Variants in NXPE1 observed in about 807,000 individuals in gnomAD.
NXPE1 encodes the protein neurexophilin and PC-esterase domain family member 1, also known as NXPE family member 1.
NXPE1 carries 31 observed loss-of-function variants against 33.3 expected under a neutral mutation model. The observed-to-expected ratio is 0.93, with a 90% CI of 0.70 to 1.26. NXPE1 has a LOEUF of 1.26. NXPE1 is among the 50% of genes most tolerant of loss of function. The probability of loss-of-function intolerance (pLI) is 0.00; values close to 1 mark genes in which losing one functional copy is unlikely to be tolerated. For missense variants in NXPE1, 661 were observed against 655.6 expected (o/e 1.01, Z -0.09); for synonymous variants, 229 against 231.4 (o/e 0.99, Z 0.09).
At chr11:114,534,178 C>T (rs1481673258) in intron 5 of NXPE1, among the ~76,000 whole-genome samples, 2 of 152,248 alleles carry the variant, frequency 1.3e-5, no homozygotes, top group Admixed American at 1.3e-4. Flanking sequence ...CAAACAAGGT[C>T]TGGAGTGGAC....
At chr11:114,553,930 T>C (rs1009338193) in intron 1 of NXPE1, 1 of 985,440 alleles carries the variant, frequency 1.0e-6, no homozygotes, top group Non-Finnish European at 1.2e-6. Context: ...TTTTTGTTTT[T>C]GTTTTCTGGG....
intron 7 of NXPE1, among the ~76,000 whole-genome samples, chr11:114,525,478 G>A (rs1295553246): frequency 6.6e-6 from 1 of 152,086 alleles, no homozygotes; most frequent in South Asian, 2.1e-4. Flanking sequence ...CTGCAGAGCC[G>A]GGTCCCAGAA....
At chr11:114,553,802 A>G in intron 1 of NXPE1, 1 of 978,460 alleles carries the variant, frequency 1.0e-6, no homozygotes, top group Non-Finnish European at 1.2e-6. Context: ...GGCTTATGAA[A>G]GCCTATTCAT....
At chr11:114,552,727 G>A (rs905447887) in intron 2 of NXPE1, 125 bp downstream of exon 2, 3 of 188,562 alleles carry the variant, frequency 1.6e-5, no homozygotes, top group African/African-American at 4.8e-5. Flanking sequence ...AAAGTAGTGC[G>A]TATGGATATG....
intron 5 of NXPE1, among the ~76,000 whole-genome samples, chr11:114,533,969 G>A (rs1337621269): frequency 6.6e-6 from 1 of 152,234 alleles, no homozygotes; most frequent in Non-Finnish European, 1.5e-5. Flanking sequence ...TGAGATCTGA[G>A]AATGGGCAGA....
At chr11:114,527,848 T>G (rs771047826) in exon 7 of NXPE1, 5 of 1,607,200 alleles carry the variant, frequency 3.1e-6, no homozygotes, top group Non-Finnish European at 4.2e-6. Flanking sequence ...ACTGTTACAA[T>G]TAGTGACATC....
downstream of NXPE1, among the ~76,000 whole-genome samples, chr11:114,519,679 G>A (rs1425163349): frequency 2.6e-5 from 4 of 152,114 alleles, no homozygotes; most frequent in African/African-American, 4.8e-5. Flanking sequence ...AAGGAGCAGC[G>A]TGTAGAGTGG....
intron 5 of NXPE1, among the ~76,000 whole-genome samples, chr11:114,532,755 G>A (rs1368202355): frequency 6.6e-6 from 1 of 152,078 alleles, no homozygotes; most frequent in Non-Finnish European, 1.5e-5. Flanking sequence ...AAGTATATAG[G>A]TAGATTAGAT....
intron 4 of NXPE1, 53 bp downstream of exon 4, chr11:114,551,330 G>C (rs10790022): frequency 0.15 from 212,498 of 1,378,612 alleles, 21,313 homozygotes; most frequent in African/African-American, 0.46. Context: ...GTGAGTCACT[G>C]TCTTCTTTCC....
At chr11:114,530,582 C>T (rs201130038) in exon 6 of NXPE1, 33 of 1,614,164 alleles carry the variant, frequency 2.0e-5, no homozygotes, top group Non-Finnish European at 2.7e-5. Context: ...GGGAGGACAT[C>T]CTGGCCCTCA....
chr11:114,528,320 C>T (rs1439471052), intron 6 of NXPE1, among the ~76,000 whole-genome samples: 1 of 152,170 alleles, frequency 6.6e-6, no homozygotes, highest in African/African-American at 2.4e-5. Flanking sequence ...ACTGCCAGAG[C>T]ACCCTTTCTC....
At chr11:114,523,175 C>T in intron 7 of NXPE1, 84 bp from the exon 8 acceptor site, 5 of 942,906 alleles carry the variant, frequency 5.3e-6, no homozygotes, top group East Asian at 5.0e-5. Context: ...TTTTCTTGCT[C>T]TCTTTCCCCC....
chr11:114,522,269 T>C (rs371179198), exon 9 of NXPE1: 15 of 1,614,060 alleles, frequency 9.3e-6, no homozygotes, highest in Non-Finnish European at 1.3e-5. Flanking sequence ...AATAAAAATG[T>C]CAATGGGAAA....
Position 114,521,984 on chromosome 11 carries a change from A to C in NXPE1, c.1628T>G (p.Leu543Ter). 6.8e-6 allele frequency: 11 copies of C among 1,611,498 alleles called. No individual in the cohort carries two copies. Among genetic ancestry groups the C allele is most frequent in the Non-Finnish European group, 7.6e-6 (9 of 1,177,994 alleles). ...ATTTATCCCTTAGCAAATGTAGTTT[A>C]AGAACATGTTAATCTGATTTCCAAT... The change falls in exon 9 of 9, where the codon TTA (leucine) becomes TGA (stop). Residue 543 changes from leucine (L) to a stop codon, truncating the protein, a stop_gained. Transcript: ENST00000534921. LOFTEE classifies it high-confidence loss of function.
At chr11:114,531,372 T>C (rs1947577838) in intron 5 of NXPE1, among the ~76,000 whole-genome samples, 1 of 152,158 alleles carries the variant, frequency 6.6e-6, no homozygotes, top group African/African-American at 2.4e-5. Context: ...TCCAGCTGTA[T>C]CACAGTTCAA....
chr11:114,530,494 A>T (rs755669473), exon 6 of NXPE1: 2 of 1,613,994 alleles, frequency 1.2e-6, no homozygotes, highest in Non-Finnish European at 1.7e-6. Context: ...TGGCCCTCCC[A>T]GAACAGAGTG....
At chr11:114,530,343 A>G in exon 6 of NXPE1, 1 of 1,614,246 alleles carries the variant, frequency 6.2e-7, no homozygotes, top group Non-Finnish European at 8.5e-7. Flanking sequence ...GTTTAGGGTC[A>G]GGCCACATTC....
intron 5 of NXPE1, among the ~76,000 whole-genome samples, chr11:114,535,011 A>G (rs1465826846): frequency 6.6e-6 from 1 of 152,210 alleles, no homozygotes; most frequent in Non-Finnish European, 1.5e-5. Context: ...GAAGGAAAAA[A>G]TGTTAAGGGC....
chr11:114,527,280 G>T (rs569303243), intron 7 of NXPE1: 1 of 152,298 alleles, frequency 6.6e-6, no homozygotes, highest in East Asian at 1.9e-4. Context: ...TGAATAAATG[G>T]TGGCAATAAA....
Sources: allele counts gnomAD v4.1 joint callset (sites outside exome capture counted in the v4.1 genomes callset), GRCh38; gene constraint gnomAD v4.1.1; transcripts MANE v1.5; gene names NCBI Gene and HGNC (gene_info 2026-07-23, HGNC 2026-07-21).